PDIA6: variants seen among roughly 807,000 people sequenced by gnomAD.
PDIA6 encodes protein disulfide isomerase family A member 6, also known as protein disulfide-isomerase A6.
A neutral mutation model predicts 58.4 loss-of-function variants in PDIA6; 29 were observed. The ratio of observed to expected loss-of-function variants is 0.50; its 90% CI spans 0.37 to 0.68. The LOEUF is 0.68. PDIA6 is among the 30% of genes least tolerant of loss of function. The pLI is 0.00. For missense variants in PDIA6, 480 were observed against 551.0 expected, an observed-to-expected ratio of 0.87 and a Z score of 1.29; for synonymous variants, 192 against 202.6, an observed-to-expected ratio of 0.95 and a Z score of 0.44.
chr2:10,820,955 C>A (rs918639914), intron 1 of PDIA6: 1 of 675,982 alleles, frequency 1.5e-6, no homozygotes, highest in Non-Finnish European at 2.7e-6. Flanking sequence ...ACTTCAGGAC[C>A]TGGGTTTGGA....
In PDIA6 at chr2:10,788,683, G is replaced by A; in HGVS notation, c.998+14C>T. The A allele has an allele frequency of 6.3e-7, 1 of 1,575,206 alleles. No individual in the cohort carries two copies. Among genetic ancestry groups the A allele is most frequent in the Non-Finnish European group, 8.7e-7 (1 of 1,144,566 alleles). ...TGTTCAGATGACACTCAGACAGTAA[G>A]CTCAGTAACTTACCCCCACATTTTC... On this transcript the variant is annotated intron_variant, in intron 10 of 12. Coordinates refer to ENST00000272227, the MANE Select transcript of PDIA6 (RefSeq NM_005742.4).
chr2:10,792,177 C>T (rs531611006), intron 5 of PDIA6, among the ~76,000 whole-genome samples: 1 of 152,206 alleles, frequency 6.6e-6, no homozygotes, highest in Non-Finnish European at 1.5e-5. Flanking sequence ...TGAATGCTGT[C>T]ACCAGCTATT....
At chr2:10,833,155 AG>A (rs1321824358), upstream of PDIA6, among the ~76,000 whole-genome samples, 5 of 152,148 alleles carry the variant, frequency 3.3e-5, no homozygotes, top group African/African-American at 9.7e-5. Flanking sequence ...GCTCTGTGTC[AG>A]GGACAGCCCC....
In PDIA6 at chr2:10,784,314, C is replaced by T. The variant is rs1471748337; in HGVS notation, c.1267G>A (p.Asp423Asn). Residue 423 changes from aspartate to asparagine, a missense_variant, in exon 13 of 13, where the codon GAT becomes AAT. Coordinates refer to ENST00000272227, the MANE Select transcript of PDIA6 (RefSeq NM_005742.4). ...TCCACATCACTGAGGTCAATGTCAT[C>T]CTCCACGGGAAGCTGGGAGACGACA... is the stretch of plus-strand genomic sequence containing the variant. Reference protein sequence around the residue: ...DGRDGELPVEDDIDLSDVELD... With the variant: ...DGRDGELPVENDIDLSDVELD... The T allele has an allele frequency of 1.2e-6, 2 of 1,613,080 alleles. No homozygotes were observed. The highest frequency in any genetic ancestry group is 1.7e-5 in the Admixed American group (1 of 59,646).
At chr2:10,785,366 G>A (rs193273606) in intron 11 of PDIA6, among the ~76,000 whole-genome samples, 39 of 152,310 alleles carry the variant, frequency 2.6e-4, no homozygotes, top group Admixed American at 1.2e-3. Context: ...GGCTGCCTGC[G>A]AGCTTTCTAA....
chr2:10,822,065 G>A (rs1280930979), intron 1 of PDIA6, among the ~76,000 whole-genome samples: 5 of 151,668 alleles, frequency 3.3e-5, no homozygotes, highest in South Asian at 2.1e-4. Context: ...TCAGCCTCCC[G>A]AGTAGCTGGG....
intron 1 of PDIA6, chr2:10,821,669 G>A (rs1212603425): frequency 6.6e-6 from 1 of 152,018 alleles, no homozygotes; most frequent in African/African-American, 2.4e-5. Flanking sequence ...CTGTCACCCA[G>A]ACTGGAGTGC....
At chr2:10,826,212 C>T (rs1667551061) in intron 1 of PDIA6, among the ~76,000 whole-genome samples, 1 of 152,170 alleles carries the variant, frequency 6.6e-6, no homozygotes. Flanking sequence ...GTGGAAGAAG[C>T]CAGACTCAAA....
Position 10,827,150 on chromosome 2 carries a change from G to A in PDIA6, c.-48+5052C>T, listed in dbSNP as rs555587308. Reference sequence around the variant, plus strand: ...ACAGTCTCGGCTCACTGCAACCTCCGCCTCCCGGGTTTAAGCAATTTCCTG... The same window carrying A: ...ACAGTCTCGGCTCACTGCAACCTCCACCTCCCGGGTTTAAGCAATTTCCTG... On this transcript the variant is annotated intron_variant, in intron 1 of 13. Transcript: ENST00000381611. 1.9e-3 allele frequency among the ~76,000 whole-genome samples: 294 copies of A among 152,220 alleles called. 1 individual carries two copies. The highest frequency in any genetic ancestry group is 6.5e-3 in the African/African-American group (272 of 41,544).
chr2:10,798,199 AAAAT>A, intron 2 of PDIA6, among the ~76,000 whole-genome samples: 1 of 152,248 alleles, frequency 6.6e-6, no homozygotes, highest in African/African-American at 2.4e-5. Context: ...AATAAAAATA[AAAAT>A]AAATAAGTAA....
intron 1 of PDIA6, among the ~76,000 whole-genome samples, chr2:10,824,526 G>A (rs746558108): frequency 9.2e-5 from 14 of 152,238 alleles, no homozygotes; most frequent in Non-Finnish European, 2.1e-4. Flanking sequence ...CACAGTGATT[G>A]TTCCAGGGTG....
intron 11 of PDIA6, among the ~76,000 whole-genome samples, chr2:10,786,318 TG>T (rs200685250): frequency 7.3e-6 from 1 of 136,800 alleles, no homozygotes; most frequent in Non-Finnish European, 1.6e-5. Context: ...GTCTCGGGGG[TG>T]GGGGGGAAAG....
chr2:10,802,595 G>T lies in PDIA6; in HGVS notation c.65C>A (p.Ser22Tyr), dbSNP rs1206041969. Residue 22 changes from serine (S) to tyrosine (Y), a missense_variant, in exon 2 of 13, where the codon TCC (serine) becomes TAC (tyrosine). Coordinates refer to ENST00000272227, the MANE Select transcript of PDIA6 (RefSeq NM_005742.4). ...TAATTCGATCACATCATCACTAGAG[G>T]AATACAGACCATTCACTGCCAGAAA... ...TFFLAVNGLY[S>Y]SSDDVIELTP... is the part of the protein sequence containing the mutation. The T allele has an allele frequency of 2.0e-6, 3 of 1,493,288 alleles. No homozygotes were observed. The highest frequency in any genetic ancestry group is 2.7e-6 in the Non-Finnish European group (3 of 1,123,612). The allele number at this position is 1,493,288 out of a possible 1,614,324, so 92.5% of individuals were successfully genotyped here. A position where few individuals can be genotyped will look rare whatever the true frequency, so the allele number is the denominator to read the frequency against.
intron 1 of PDIA6, among the ~76,000 whole-genome samples, chr2:10,829,700 T>A (rs749424004): frequency 6.6e-6 from 1 of 152,226 alleles, no homozygotes; most frequent in Admixed American, 6.5e-5. Flanking sequence ...CCTCTTTTTT[T>A]AATTATTATT....
Position 10,812,734 on chromosome 2 carries a change from G to C in PDIA6, c.-38C>G. 1 of 1,484,246 alleles carries C rather than the reference G, an allele frequency of 6.7e-7. No individual in the cohort carries two copies. Among genetic ancestry groups the C allele is most frequent in the Non-Finnish European group, 8.9e-7 (1 of 1,118,622 alleles). 91.9% of individuals were successfully genotyped at this position (1,484,246 alleles called of 1,614,324 possible). On this transcript the variant is annotated 5_prime_UTR_variant, in exon 1 of 13. Coordinates refer to ENST00000272227, the MANE Select transcript of PDIA6 (RefSeq NM_005742.4). ...GCTACGTGCAGTCCCCACCGCCGCCGCCGCTTCAGCCCTGCAGCGTGCCGC... is the reference window on the plus strand; with the variant it reads ...GCTACGTGCAGTCCCCACCGCCGCCCCCGCTTCAGCCCTGCAGCGTGCCGC...
chr2:10,794,724 C>T (rs1572662460), intron 4 of PDIA6, among the ~76,000 whole-genome samples: 2 of 151,982 alleles, frequency 1.3e-5, no homozygotes, highest in Admixed American at 1.3e-4. Context: ...GTCAAGAGTT[C>T]GAGAGCAGCC....
chr2:10,836,991 A>G (rs1258365446), upstream of PDIA6, among the ~76,000 whole-genome samples: 1 of 152,148 alleles, frequency 6.6e-6, no homozygotes, highest in African/African-American at 2.4e-5. Flanking sequence ...ATTCTCATTC[A>G]TGATGGTTAA....
chr2:10,824,562 T>C (rs1243414429), intron 1 of PDIA6, among the ~76,000 whole-genome samples: 1 of 152,048 alleles, frequency 6.6e-6, no homozygotes, highest in Non-Finnish European at 1.5e-5. Context: ...CCAATCAGAG[T>C]GAAGCTCTGG....
At chr2:10,832,546 C>A (rs545398097), upstream of PDIA6, 1 of 475,476 alleles carries the variant, frequency 2.1e-6, no homozygotes, top group Non-Finnish European at 2.7e-6. Flanking sequence ...CAGGCTGCTG[C>A]GGGGATGCGT....
Sources: allele counts gnomAD v4.1 joint callset (sites outside exome capture counted in the v4.1 genomes callset), GRCh38; gene constraint gnomAD v4.1.1; transcripts MANE v1.5; gene names NCBI Gene and HGNC (gene_info 2026-07-23, HGNC 2026-07-21).